Variants in MTUS1 observed in about 807,000 individuals in gnomAD.
MTUS1 encodes microtubule-associated tumor suppressor 1.
MTUS1 carries 109 observed loss-of-function variants against 120.8 expected under a neutral mutation model. The observed-to-expected ratio is 0.90, with a 90% CI of 0.77 to 1.06. The LOEUF (loss-of-function observed/expected upper bound fraction) is 1.06. MTUS1 is among the 50% of genes least tolerant of loss of function. The pLI, the probability that MTUS1 is intolerant of heterozygous loss-of-function variation, is 0.00. For synonymous variants in MTUS1, 737 were observed against 550.5 expected (o/e 1.34, Z -4.74); for missense variants, 2,210 against 1,486.3 (o/e 1.49, Z -8.01).
At chr8:17,759,320 G>C (rs1325002491) in intron 1 of MTUS1, among the ~76,000 whole-genome samples, 1 of 150,420 alleles carries the variant, frequency 6.6e-6, no homozygotes, top group Admixed American at 6.6e-5. Context: ...CTGCAGTGCA[G>C]TGATGTGATT....
chr8:17,789,465 A>G (rs979763359), intron 1 of MTUS1, among the ~76,000 whole-genome samples: 5 of 152,168 alleles, frequency 3.3e-5, no homozygotes, highest in Admixed American at 2.0e-4. Flanking sequence ...TCTTTACCCC[A>G]AAGTGTTAAA....
At position 17,645,880 on chromosome 8, in the gene MTUS1, C is replaced by T. The variant is rs1239912100; in HGVS notation, c.*46G>A. The T allele has an allele frequency of 6.3e-7, 1 of 1,579,478 alleles. No homozygotes were observed. The highest frequency in any genetic ancestry group is 1.3e-5 in the African/African-American group (1 of 74,748). On this transcript the variant is annotated 3_prime_UTR_variant, in exon 15 of 15. Coordinates refer to ENST00000693296, the MANE Select transcript of MTUS1 (RefSeq NM_001363059.2). Reference sequence around the variant, plus strand: ...TCCTCCTTGGGGTCAGTCCTGCAGACCTGCATCAAAATGCTTTCAGAGAGT... The same window carrying T: ...TCCTCCTTGGGGTCAGTCCTGCAGATCTGCATCAAAATGCTTTCAGAGAGT...
intron 1 of MTUS1, among the ~76,000 whole-genome samples, chr8:17,791,669 A>G (rs2051793770): frequency 6.6e-6 from 1 of 152,218 alleles, no homozygotes; most frequent in Non-Finnish European, 1.5e-5. Flanking sequence ...CTGGAGTCTG[A>G]GAATAAACAA....
chr8:17,662,758 G>C (rs1482135159), intron 8 of MTUS1, among the ~76,000 whole-genome samples: 2 of 151,032 alleles, frequency 1.3e-5, no homozygotes, highest in African/African-American at 4.9e-5. Flanking sequence ...GGCAACTTTT[G>C]TATACATGTT....
intron 9 of MTUS1, chr8:17,654,912 G>C (rs987053498): frequency 3.4e-5 from 18 of 523,188 alleles, no homozygotes; most frequent in Non-Finnish European, 6.2e-5. Context: ...AATGTCGCGA[G>C]ACTCTGTCCC....
intron 8 of MTUS1, among the ~76,000 whole-genome samples, chr8:17,667,762 A>G (rs10086264): frequency 0.021 from 3,127 of 152,286 alleles, 128 homozygotes; most frequent in African/African-American, 0.071. Context: ...GTTCTTATGC[A>G]AGCTCTTTGC....
chr8:17,750,994 G>A (rs974273534), intron 2 of MTUS1, among the ~76,000 whole-genome samples: 1 of 152,166 alleles, frequency 6.6e-6, no homozygotes, highest in Non-Finnish European at 1.5e-5. Flanking sequence ...AAGGCCTAAG[G>A]CAGGCCAAGG....
chr8:17,795,716 T>G (rs138445615), intron 1 of MTUS1, among the ~76,000 whole-genome samples: 2 of 152,166 alleles, frequency 1.3e-5, no homozygotes, highest in Non-Finnish European at 2.9e-5. Flanking sequence ...CTCGGCTCAC[T>G]GCAACCTCCG....
Position 17,656,035 on chromosome 8 carries a change from T to C in MTUS1, c.2936A>G (p.Glu979Gly). The stretch of plus-strand genomic sequence containing the variant: ...TGTTTGTAACTCATTCCTGGCTTTT[T>C]CTAATTTCTCACAGGTGGTTGAAGC... ...VTASTTCEKLEKARNELQTVY... is the reference protein window; with the variant it reads ...VTASTTCEKLGKARNELQTVY... Residue 979 changes from glutamate to glycine, a missense_variant, in exon 9 of 15, where the codon GAA becomes GGA. Glu to Gly is a moderately conservative substitution (Grantham distance 98). Transcript: ENST00000693296. The C allele has an allele frequency of 6.2e-7, 1 of 1,614,202 alleles. No homozygotes were observed. The highest frequency in any genetic ancestry group is 8.5e-7 in the Non-Finnish European group (1 of 1,180,044).
intron 13 of MTUS1, among the ~76,000 whole-genome samples, chr8:17,649,172 T>TCC (rs1323732660): frequency 6.6e-6 from 1 of 151,938 alleles, no homozygotes; most frequent in African/African-American, 2.4e-5. Context: ...CAATGGAACC[T>TCC]CCACCTTCCC....
chr8:17,697,306 G>T (rs1201578665), intron 6 of MTUS1: 9 of 1,614,044 alleles, frequency 5.6e-6, no homozygotes, highest in Non-Finnish European at 7.6e-6. Flanking sequence ...GAAGTCGAAG[G>T]TTTCGAAGCA....
intron 3 of MTUS1, among the ~76,000 whole-genome samples, chr8:17,739,171 C>CA (rs2047136221): frequency 1.3e-5 from 2 of 151,604 alleles, no homozygotes; most frequent in Non-Finnish European, 2.9e-5. Flanking sequence ...AACAAACAAA[C>CA]AAAAAAACAA....
At position 17,779,513 on chromosome 8, in the gene MTUS1, C is replaced by T. The variant is rs2050710344; in HGVS notation, c.-155+21548G>A. Among the ~76,000 whole-genome samples, 2 of 152,292 alleles carry T rather than the reference C, an allele frequency of 1.3e-5. 1 individual carries two copies. The highest frequency in any genetic ancestry group is 4.1e-4 in the South Asian group (2 of 4,824). ...TTGTTCTTACTTCTGGCTGAATTTG[C>T]CATTATTTATTTAACAAGGTTTCCT... On this transcript the variant is annotated intron_variant, in intron 1 of 14. Transcript: ENST00000693296.
At chr8:17,744,247 T>C (rs1010777755) in intron 2 of MTUS1, among the ~76,000 whole-genome samples, 1 of 152,150 alleles carries the variant, frequency 6.6e-6, no homozygotes, top group Non-Finnish European at 1.5e-5. Flanking sequence ...CCAAAGAAAT[T>C]AGCTGAGAGT....
At chr8:17,699,739 G>T (rs936414579) in intron 6 of MTUS1, among the ~76,000 whole-genome samples, 31 of 152,176 alleles carry the variant, frequency 2.0e-4, no homozygotes, top group Non-Finnish European at 3.2e-4. Context: ...CTGCCTCCTG[G>T]TGGCCGTGCA....
chr8:17,766,404 T>G (rs940971961), intron 1 of MTUS1, among the ~76,000 whole-genome samples: 1 of 152,206 alleles, frequency 6.6e-6, no homozygotes, highest in Non-Finnish European at 1.5e-5. Context: ...GATCTCCTCC[T>G]ACTACTCAAC....
At chr8:17,652,900 T>A (rs541685496) in intron 12 of MTUS1, among the ~76,000 whole-genome samples, 76 of 152,214 alleles carry the variant, frequency 5.0e-4, no homozygotes, top group African/African-American at 1.7e-3. Flanking sequence ...ATTTTTTTTT[T>A]AAATAAAGTC....
chr8:17,658,543 G>C (rs967083801), intron 8 of MTUS1, among the ~76,000 whole-genome samples: 8 of 152,170 alleles, frequency 5.3e-5, no homozygotes, highest in African/African-American at 1.9e-4. Flanking sequence ...GGGTACTACT[G>C]TAACTGTCAG....
chr8:17,671,459 A>G (rs1812004351), intron 8 of MTUS1, among the ~76,000 whole-genome samples: 1 of 152,246 alleles, frequency 6.6e-6, no homozygotes, highest in Admixed American at 6.5e-5. Context: ...GAGTATCAAA[A>G]AATCACTGGA....
Sources: allele counts gnomAD v4.1 joint callset (sites outside exome capture counted in the v4.1 genomes callset), GRCh38; gene constraint gnomAD v4.1.1; transcripts MANE v1.5; gene names NCBI Gene and HGNC (gene_info 2026-07-23, HGNC 2026-07-21).